C14orf39: variants seen among roughly 807,000 people sequenced by gnomAD.
C14orf39 encodes the protein chromosome 14 open reading frame 39.
In C14orf39, 66 loss-of-function variants were observed where a neutral mutation model predicts 85.6. The ratio of observed to expected loss-of-function variants is 0.77; its 90% confidence interval spans 0.63 to 0.95. The LOEUF is 0.95. Among genes scored for constraint, C14orf39 ranks in the 40% least tolerant of loss-of-function variants. C14orf39 has a pLI of 0.00. For missense variants in C14orf39, 735 were observed against 663.9 expected (o/e 1.11, Z -1.18); for synonymous variants, 242 against 214.0 (o/e 1.13, Z -1.14).
chr14:60,448,185 A>T (rs1013667297), intron 16 of C14orf39, among the ~76,000 whole-genome samples: 4 of 152,148 alleles, frequency 2.6e-5, no homozygotes, highest in South Asian at 4.1e-4. Flanking sequence ...AAGCCAAAAT[A>T]GACAAATGGA....
intron 11 of C14orf39, among the ~76,000 whole-genome samples, chr14:60,462,427 A>G (rs8019541): frequency 0.83 from 125,647 of 152,128 alleles, 53,370 homozygotes; most frequent in Non-Finnish European, 0.92. Flanking sequence ...CTAAACCATT[A>G]TTTTATTAAC....
At chr14:60,500,154 G>A (rs973415142) in intron 1 of C14orf39, among the ~76,000 whole-genome samples, 3 of 152,076 alleles carry the variant, frequency 2.0e-5, no homozygotes, top group African/African-American at 4.8e-5. Context: ...CAGCCACCCA[G>A]ATAGCTGGGA....
intron 1 of C14orf39, among the ~76,000 whole-genome samples, chr14:60,510,316 C>G (rs895781814): frequency 6.6e-6 from 1 of 152,234 alleles, no homozygotes; most frequent in Admixed American, 6.5e-5. Flanking sequence ...TCAGCCTGGG[C>G]ACAGGCTCCT....
intron 1 of C14orf39, among the ~76,000 whole-genome samples, chr14:60,502,656 A>G (rs933788397): frequency 2.0e-5 from 3 of 152,236 alleles, no homozygotes; most frequent in Admixed American, 6.5e-5. Context: ...TAAAGGAAAT[A>G]TGCACTCATT....
At position 60,455,054 on chromosome 14, in the gene C14orf39, C is replaced by G; in HGVS notation, c.1450G>C (p.Gly484Arg). The G allele has an allele frequency of 6.3e-7, 1 of 1,578,000 alleles. No homozygotes were observed. Among genetic ancestry groups the G allele is most frequent in the Non-Finnish European group, 8.6e-7 (1 of 1,166,294 alleles). The change falls in exon 16 of 18, where the codon GGA becomes CGA. Residue 484 changes from glycine to arginine, a missense_variant. Gly to Arg is a moderately radical substitution (Grantham distance 125). Transcript: ENST00000321731. ...FLMSYTSRSPGLNLFDSSVFD... is the reference protein window; with the variant it reads ...FLMSYTSRSPRLNLFDSSVFD... ...ACAGAAGAATCAAATAAATTCAATCCAGGTGATCTAGAAGTATAACTCATA... is the reference window on the plus strand; with the variant it reads ...ACAGAAGAATCAAATAAATTCAATCGAGGTGATCTAGAAGTATAACTCATA...
intron 5 of C14orf39, among the ~76,000 whole-genome samples, chr14:60,474,763 G>A (rs1892286051): frequency 1.3e-5 from 2 of 151,970 alleles, no homozygotes; most frequent in Non-Finnish European, 2.9e-5. Context: ...ACTTGATCAT[G>A]GTGGATAAGC....
chr14:60,483,997 T>C (rs1892767288), intron 3 of C14orf39, among the ~76,000 whole-genome samples, 180 bp from the exon 4 acceptor site: 1 of 152,162 alleles, frequency 6.6e-6, no homozygotes, highest in Admixed American at 6.5e-5. Context: ...GGGCCAGGCC[T>C]GATCCTAGAG....
intron 16 of C14orf39, among the ~76,000 whole-genome samples, chr14:60,454,776 T>A (rs1891192789): frequency 6.6e-6 from 1 of 152,000 alleles, no homozygotes; most frequent in Non-Finnish European, 1.5e-5. Flanking sequence ...ATTTAAATTA[T>A]CCCTATCCTG....
intron 10 of C14orf39, 46 bp from the exon 11 acceptor site, chr14:60,466,101 AT>A (rs759394299): frequency 2.8e-5 from 25 of 886,468 alleles, no homozygotes; most frequent in Non-Finnish European, 3.8e-5. Context: ...TGGAAACAGA[AT>A]CAAGTATCTT....
intron 2 of C14orf39, chr14:60,496,887 G>A (rs1472640470): frequency 2.6e-5 from 4 of 152,354 alleles, no homozygotes; most frequent in East Asian, 3.9e-4. Flanking sequence ...CAACAACATG[G>A]TGCAAGCACT....
intron 8 of C14orf39, 56 bp downstream of exon 8, chr14:60,469,477 T>C (rs201894963): frequency 1.4e-6 from 1 of 706,424 alleles, no homozygotes; most frequent in Middle Eastern, 4.7e-4. Context: ...TCAACTAACA[T>C]ACCATTATAC....
chr14:60,451,192 G>T (rs1483683241), intron 16 of C14orf39, among the ~76,000 whole-genome samples: 1 of 152,112 alleles, frequency 6.6e-6, no homozygotes, highest in Non-Finnish European at 1.5e-5. Flanking sequence ...GGAAACAACA[G>T]GTGCTGGAGA....
At chr14:60,462,438 G>A (rs533003739) in intron 11 of C14orf39, among the ~76,000 whole-genome samples, 2 of 151,986 alleles carry the variant, frequency 1.3e-5, no homozygotes, top group African/African-American at 2.4e-5. Flanking sequence ...TTTTATTAAC[G>A]TTTCTTTCAA....
intron 16 of C14orf39, among the ~76,000 whole-genome samples, chr14:60,442,549 G>T (rs1890569583): frequency 1.3e-5 from 2 of 152,070 alleles, no homozygotes; most frequent in African/African-American, 4.8e-5. Context: ...TAAAAAAAAT[G>T]AGATCATGAC....
intron 13 of C14orf39, among the ~76,000 whole-genome samples, chr14:60,459,113 T>C (rs1172278132): frequency 6.6e-6 from 1 of 151,806 alleles, no homozygotes; most frequent in African/African-American, 2.4e-5. Context: ...CTATTTTTCC[T>C]GTTTTAAATG....
intron 4 of C14orf39, among the ~76,000 whole-genome samples, chr14:60,482,143 T>C (rs1892669025): frequency 6.6e-6 from 1 of 152,210 alleles, no homozygotes; most frequent in East Asian, 1.9e-4. Context: ...CAGATCCTAC[T>C]GACTCTCCTC....
chr14:60,505,752 A>C (rs1319054939), intron 1 of C14orf39, among the ~76,000 whole-genome samples: 1 of 152,238 alleles, frequency 6.6e-6, no homozygotes, highest in Non-Finnish European at 1.5e-5. Flanking sequence ...AAGACATTTG[A>C]CTTAGGAAAA....
intron 16 of C14orf39, among the ~76,000 whole-genome samples, chr14:60,445,431 C>T (rs1890717635): frequency 6.6e-6 from 1 of 152,034 alleles, no homozygotes; most frequent in South Asian, 2.1e-4. Flanking sequence ...TCTGATAAAA[C>T]AGACTTTAAA....
Position 60,457,093 on chromosome 14 carries a change from A to G in C14orf39, c.1182T>C (p.Ala394=), listed in dbSNP as rs758657140. The part of the protein sequence containing the change: ...QVRESKCTSQ[A]IYTEHFGKSV... ...ACTTCCCAAAATGTTCAGTATATAT[A>G]GCCTGCAAATTCAAAGTAACAGAAA... Residue 394 remains alanine, a splice_region_variant and synonymous_variant, in exon 15 of 18, where the codon GCT becomes GCC. Coordinates refer to ENST00000321731, the MANE Select transcript of C14orf39 (RefSeq NM_174978.3). 1 of 1,544,962 alleles carries G rather than the reference A, an allele frequency of 6.5e-7. No individual in the cohort carries two copies. The highest frequency in any genetic ancestry group is 2.3e-5 in the East Asian group (1 of 43,224).
Sources: gnomAD v4.1 joint callset for allele counts (sites outside exome capture counted in the v4.1 genomes callset) on GRCh38, gnomAD v4.1.1 for gene constraint, MANE v1.5 for transcripts, NCBI Gene and HGNC (gene_info 2026-07-23, HGNC 2026-07-21) for gene names.